GAS7: variants seen among roughly 807,000 people sequenced by gnomAD.
GAS7 encodes the protein growth arrest specific 7.
In GAS7, 28 loss-of-function variants were observed where a neutral mutation model predicts 71.1. The observed-to-expected ratio is 0.39, with a 90% CI of 0.29 to 0.54. The LOEUF is 0.54. Ranked by LOEUF, GAS7 falls within the 20% of genes least tolerant of loss-of-function variation. The pLI, the probability that GAS7 is intolerant of heterozygous loss-of-function variation, is 0.62. For missense variants in GAS7, 436 were observed against 627.8 expected (o/e 0.69, Z 3.27); for synonymous variants, 258 against 245.8 (o/e 1.05, Z -0.46).
chr17:10,008,662 C>A (rs982530254), intron 2 of GAS7, among the ~76,000 whole-genome samples: 34 of 152,188 alleles, frequency 2.2e-4, no homozygotes, highest in African/African-American at 7.2e-4. Flanking sequence ...AAACCCACAC[C>A]AAAGCGGATT....
chr17:10,128,840 C>T (rs1375430900), intron 1 of GAS7, among the ~76,000 whole-genome samples: 7 of 128,958 alleles, frequency 5.4e-5, no homozygotes, highest in African/African-American at 1.6e-4. Context: ...AGGATGGTCT[C>T]GATCTCCTGA....
chr17:10,101,621 A>G (rs1567591800), intron 1 of GAS7, among the ~76,000 whole-genome samples: 1 of 152,038 alleles, frequency 6.6e-6, no homozygotes, highest in Non-Finnish European at 1.5e-5. Flanking sequence ...AAATCCCTGC[A>G]CCCCACACTC....
intron 1 of GAS7, among the ~76,000 whole-genome samples, chr17:10,110,408 G>T (rs1310710572): frequency 5.3e-5 from 8 of 152,060 alleles, no homozygotes. Context: ...TGGGAAAGAG[G>T]GGGGATGAAG....
intron 1 of GAS7, among the ~76,000 whole-genome samples, chr17:10,123,230 G>A (rs2073919058): frequency 6.6e-6 from 1 of 152,210 alleles, no homozygotes; most frequent in African/African-American, 2.4e-5. Context: ...ATCCTACTTA[G>A]AGCTGTGGTC....
chr17:10,175,478 G>A (rs373662549), intron 1 of GAS7, among the ~76,000 whole-genome samples: 9 of 152,106 alleles, frequency 5.9e-5, no homozygotes, highest in East Asian at 1.9e-4. Context: ...ACAAACAGCC[G>A]TCTTCTCCCT....
chr17:9,970,294 A>T (rs28432004), intron 3 of GAS7, among the ~76,000 whole-genome samples: 3,917 of 152,248 alleles, frequency 0.026, 143 homozygotes, highest in African/African-American at 0.082. Flanking sequence ...TCAGGTGATC[A>T]TATGCACTTC....
chr17:9,940,118 C>T lies in GAS7; in HGVS notation c.806+8G>A, dbSNP rs1188089069. On this transcript the variant is annotated splice_region_variant and intron_variant, in intron 8 of 13. Coordinates refer to ENST00000432992, the MANE Select transcript of GAS7 (RefSeq NM_201433.2). ...CTCCCCACTCCCACCTCTCTCCTAC[C>T]CACTCACCCTTCCTCCTGTGAAGCC... The T allele has an allele frequency of 6.6e-7, 1 of 1,513,434 alleles. No individual in the cohort carries two copies. The highest frequency in any genetic ancestry group is 9.2e-7 in the Non-Finnish European group (1 of 1,088,044). 93.8% of individuals were successfully genotyped at this position (1,513,434 alleles called of 1,614,324 possible).
rs1410262686 is a variant in GAS7 at position 10,133,132 on chromosome 17, TTTC to T, written c.183+65073_183+65075del. On this transcript the variant is annotated intron_variant, in intron 1 of 13. Coordinates refer to ENST00000432992, the MANE Select transcript of GAS7 (RefSeq NM_201433.2). ...ATTATATATTTTTATATTTTTTTTT[TTTC>T]TTTTTTGAGATGGAGTCTCGCTCTG... 1.4e-3 allele frequency among the ~76,000 whole-genome samples: 138 copies of T among 100,562 alleles called. 2 individuals are homozygous for T. The South Asian group carries it at 0.017, about 13-fold the overall frequency. The allele number at this position is 100,562 out of a possible 152,430, so 66.0% of individuals were successfully genotyped here.
At chr17:9,965,866 G>C (rs144856652) in intron 4 of GAS7, among the ~76,000 whole-genome samples, 1 of 152,058 alleles carries the variant, frequency 6.6e-6, no homozygotes, top group South Asian at 2.1e-4. Context: ...GTGAAGGAGC[G>C]GGGCAGGCAC....
chr17:10,006,456 A>T (rs947625759), intron 2 of GAS7, among the ~76,000 whole-genome samples: 12 of 149,140 alleles, frequency 8.0e-5, no homozygotes, highest in Non-Finnish European at 1.8e-4. Flanking sequence ...CAGCCTCCCG[A>T]GTAGCTGGGA....
chr17:9,949,456 A>G (rs1284167168), intron 5 of GAS7, among the ~76,000 whole-genome samples: 1 of 152,132 alleles, frequency 6.6e-6, no homozygotes, highest in Non-Finnish European at 1.5e-5. Context: ...AGGCCCATGG[A>G]CCTCCCGTTG....
At chr17:10,021,842 G>A (rs966245781) in intron 1 of GAS7, among the ~76,000 whole-genome samples, 1 of 152,214 alleles carries the variant, frequency 6.6e-6, no homozygotes, top group African/African-American at 2.4e-5. Flanking sequence ...GTGCGTGTGT[G>A]TGCGTGTGCA....
At chr17:10,112,959 A>C (rs951746002) in intron 1 of GAS7, among the ~76,000 whole-genome samples, 1 of 152,162 alleles carries the variant, frequency 6.6e-6, no homozygotes, top group African/African-American at 2.4e-5. Context: ...TATGTAAAAC[A>C]ACCGACTGGC....
chr17:10,153,735 G>A (rs1389190501), intron 1 of GAS7, among the ~76,000 whole-genome samples: 1 of 152,066 alleles, frequency 6.6e-6, no homozygotes, highest in Non-Finnish European at 1.5e-5. Flanking sequence ...TGAGGAAATT[G>A]ATGTACCAAA....
At chr17:9,931,373 A>C (rs1323317423) in intron 9 of GAS7, among the ~76,000 whole-genome samples, 1 of 152,132 alleles carries the variant, frequency 6.6e-6, no homozygotes, top group African/African-American at 2.4e-5. Context: ...AACAATCAAG[A>C]ATCAGGGGTC....
chr17:9,917,058 G>C lies in GAS7; in HGVS notation c.*170C>G. 1.6e-6 allele frequency: 1 copy of C among 607,084 alleles called. No homozygotes were observed. The highest frequency in any genetic ancestry group is 2.9e-6 in the Non-Finnish European group (1 of 339,230). The allele number at this position is 607,084 out of a possible 1,614,324, so 37.6% of individuals were successfully genotyped here. A position where few individuals can be genotyped will look rare whatever the true frequency, so the allele number is the denominator to read the frequency against. ...GTCTGTCTTCTGGGCCTGGGAATAT[G>C]GGGGAGCCCCCAGCTAGGCTGTCCG... On this transcript the variant is annotated 3_prime_UTR_variant, in exon 14 of 14. Coordinates refer to ENST00000432992, the MANE Select transcript of GAS7 (RefSeq NM_201433.2).
chr17:9,969,874 T>C lies in GAS7; in HGVS notation c.386-112A>G. ...CTCCTTCCTTGGCTCTGAGAGGTCT[T>C]GCGTGGCGAAGACCATCCCTCAGGA... On this transcript the variant is annotated intron_variant, in intron 3 of 13. Coordinates refer to ENST00000432992, the MANE Select transcript of GAS7 (RefSeq NM_201433.2). The surrounding 1 kb of genome is among the most constrained non-coding windows in gnomAD (Gnocchi z 5.5). The C allele has an allele frequency of 1.4e-6, 1 of 714,852 alleles. No individual in the cohort carries two copies. Among genetic ancestry groups the C allele is most frequent in the Non-Finnish European group, 2.5e-6 (1 of 394,806 alleles). The allele number at this position is 714,852 out of a possible 1,614,324, so 44.3% of individuals were successfully genotyped here. A position where few individuals can be genotyped will look rare whatever the true frequency, so the allele number is the denominator to read the frequency against.
chr17:9,938,653 G>A (rs1278186895), intron 8 of GAS7, among the ~76,000 whole-genome samples: 1 of 151,594 alleles, frequency 6.6e-6, no homozygotes, highest in East Asian at 2.0e-4. Context: ...CCAGCCTCCA[G>A]AGCCACGAGA....
intron 1 of GAS7, among the ~76,000 whole-genome samples, chr17:10,104,293 A>G (rs1405712456): frequency 6.6e-6 from 1 of 152,100 alleles, no homozygotes; most frequent in Non-Finnish European, 1.5e-5. Context: ...CCCTTTTTCC[A>G]GAAACCATGA....
Sources: gnomAD v4.1 joint callset for allele counts (sites outside exome capture counted in the v4.1 genomes callset) on GRCh38, gnomAD v4.1.1 for gene constraint, Gnocchi (gnomAD v3.1) non-coding constraint, MANE v1.5 for transcripts, NCBI Gene and HGNC (gene_info 2026-07-23, HGNC 2026-07-21) for gene names.